Variants in KATNIP observed in about 807,000 individuals in gnomAD.
KATNIP encodes the protein katanin-interacting protein.
KATNIP carries 126 observed loss-of-function variants against 174.0 expected under a neutral mutation model. The observed-to-expected ratio is 0.72, with a 90% CI of 0.63 to 0.84. The LOEUF is 0.84. KATNIP is among the 40% of genes least tolerant of loss of function. The pLI is 0.00. For missense variants in KATNIP, 1,958 were observed against 2,109.7 expected, an observed-to-expected ratio of 0.93 and a Z score of 1.41; for synonymous variants, 810 against 835.7, an observed-to-expected ratio of 0.97 and a Z score of 0.53.
chr16:27,739,208 G>T (rs1879043517), intron 14 of KATNIP, among the ~76,000 whole-genome samples: 1 of 152,120 alleles, frequency 6.6e-6, no homozygotes, highest in African/African-American at 2.4e-5. Flanking sequence ...GGAGAGAGAG[G>T]CGAGGGACAG....
At chr16:27,601,871 T>A (rs2075538156) in intron 2 of KATNIP, among the ~76,000 whole-genome samples, 1 of 152,192 alleles carries the variant, frequency 6.6e-6, no homozygotes, top group Non-Finnish European at 1.5e-5. Flanking sequence ...CCCTGCCTGC[T>A]GGGCTGGTGG....
At position 27,664,986 on chromosome 16, in the gene KATNIP, A is replaced by G. The variant is rs1302400592; in HGVS notation, c.541-12743A>G. On this transcript the variant is annotated intron_variant, in intron 6 of 27. Coordinates refer to ENST00000261588, the MANE Select transcript of KATNIP (RefSeq NM_015202.5). ...TCCCCGGCTATATTAAGTAAGGGGCAGCAGAGAGGCTCACCCGTAGGCTGA... is the reference window on the plus strand; with the variant it reads ...TCCCCGGCTATATTAAGTAAGGGGCGGCAGAGAGGCTCACCCGTAGGCTGA... 3.9e-5 allele frequency among the ~76,000 whole-genome samples: 6 copies of G among 152,214 alleles called. No individual in the cohort carries two copies. In the East Asian group the frequency reaches 1.2e-3, roughly 29 times the overall value.
chr16:27,708,928 G>T lies in KATNIP; in HGVS notation c.1605+8G>T, dbSNP rs372243355. The T allele has an allele frequency of 1.2e-4, 198 of 1,604,688 alleles. No homozygotes were observed. The highest frequency in any genetic ancestry group is 1.6e-4 in the Non-Finnish European group (190 of 1,173,462). On this transcript the variant is annotated splice_region_variant and intron_variant, in intron 13 of 27. Transcript: ENST00000261588. ...GTCAACAGGAACTTAGCTGTGAGTG[G>T]AAGGGGCACTGGATTGCTTCTTGGC...
At chr16:27,682,156 G>A (rs2078368181) in intron 8 of KATNIP, among the ~76,000 whole-genome samples, 1 of 152,140 alleles carries the variant, frequency 6.6e-6, no homozygotes, top group South Asian at 2.1e-4. Flanking sequence ...ATGTGCAAAT[G>A]GTACACAATT....
chr16:27,594,629 T>G (rs1427033053), intron 2 of KATNIP, among the ~76,000 whole-genome samples: 2 of 151,982 alleles, frequency 1.3e-5, no homozygotes, highest in Admixed American at 6.6e-5. Flanking sequence ...TTTTATTTTG[T>G]TTTTGTAGAG....
intron 14 of KATNIP, among the ~76,000 whole-genome samples, chr16:27,733,597 A>ACG (rs986735319): frequency 3.4e-4 from 51 of 151,948 alleles, no homozygotes; most frequent in Non-Finnish European, 6.5e-4. Flanking sequence ...ACACACACAC[A>ACG]CACACATATG....
rs907421620 is a variant in KATNIP, at chr16:27,648,634, C to G, written c.439C>G (p.Pro147Ala). ...TGTGCAGATCAGAACAGAAGCTGGC[C>G]CACGGCTCCACATCGAACCTCCTGT... Reference protein sequence around the residue: ...KSVQIRTEAGPRLHIEPPVDY... With the variant: ...KSVQIRTEAGARLHIEPPVDY... The change falls in exon 6 of 28, where the codon CCA (proline) becomes GCA (alanine). Residue 147 changes from proline to alanine, a missense_variant. By Grantham distance (27) the Pro-to-Ala change is conservative (BLOSUM62 -1). Around this residue, in one of 3 missense-constraint regions of KATNIP, gnomAD observed 1,557 missense variants for 1,617.8 expected, o/e 0.96. Transcript: ENST00000261588. 1 of 1,614,164 alleles carries G rather than the reference C, an allele frequency of 6.2e-7. No homozygotes were observed. The highest frequency in any genetic ancestry group is 1.3e-5 in the African/African-American group (1 of 75,036).
At chr16:27,703,749 G>A (rs1367144450) in intron 11 of KATNIP, 147 bp from the exon 12 acceptor site, 1 of 641,448 alleles carries the variant, frequency 1.6e-6, no homozygotes, top group Non-Finnish European at 2.8e-6. Context: ...AAAACAGCAA[G>A]CCTGCCCTTG....
chr16:27,738,049 C>T (rs1229543400), intron 14 of KATNIP, among the ~76,000 whole-genome samples: 2 of 151,952 alleles, frequency 1.3e-5, no homozygotes, highest in Non-Finnish European at 1.5e-5. Context: ...GACGGGGTGA[C>T]GGACAGATCA....
At chr16:27,672,007 G>C (rs2077927815) in intron 6 of KATNIP, among the ~76,000 whole-genome samples, 1 of 152,204 alleles carries the variant, frequency 6.6e-6, no homozygotes, top group South Asian at 2.1e-4. Context: ...AGTGAGCCGA[G>C]ATCGTGTCAC....
chr16:27,559,732 G>A (rs1373980646), intron 1 of KATNIP, among the ~76,000 whole-genome samples: 1 of 151,320 alleles, frequency 6.6e-6, no homozygotes, highest in Non-Finnish European at 1.5e-5. Context: ...TATAATCTCA[G>A]CACTTTGGGA....
chr16:27,747,841 G>A (rs1410355894), intron 15 of KATNIP, among the ~76,000 whole-genome samples: 3 of 152,152 alleles, frequency 2.0e-5, no homozygotes, highest in Non-Finnish European at 4.4e-5. Context: ...ACAGGAGCGG[G>A]TCGCCTTCCT....
intron 4 of KATNIP, among the ~76,000 whole-genome samples, chr16:27,629,482 G>T (rs1486871675): frequency 6.6e-6 from 1 of 152,104 alleles, no homozygotes; most frequent in Non-Finnish European, 1.5e-5. Flanking sequence ...TGTAATATTT[G>T]ATTTTACCAC....
intron 3 of KATNIP, among the ~76,000 whole-genome samples, chr16:27,623,873 TTTGTGTTCAAAGGGCCC>T (rs2076260876): frequency 6.6e-6 from 1 of 152,140 alleles, no homozygotes; most frequent in Non-Finnish European, 1.5e-5. Flanking sequence ...TGACCTGCCC[TTTGTGTTCAAAGGGCCC>T]TTGTGTTCAA....
chr16:27,636,153 C>G (rs1434645430), intron 5 of KATNIP, among the ~76,000 whole-genome samples: 10 of 152,116 alleles, frequency 6.6e-5, no homozygotes, highest in Admixed American at 5.2e-4. Flanking sequence ...GACCCTATCT[C>G]AAAATCAAAA....
intron 12 of KATNIP, among the ~76,000 whole-genome samples, chr16:27,707,378 G>C (rs2079358779): frequency 6.6e-6 from 1 of 152,244 alleles, no homozygotes; most frequent in Non-Finnish European, 1.5e-5. Flanking sequence ...CAGGCTCTCA[G>C]AGCAGACAGC....
chr16:27,628,627 G>C (rs1366818166), intron 3 of KATNIP, 34 bp from the exon 4 acceptor site: 2 of 1,609,332 alleles, frequency 1.2e-6, no homozygotes, highest in Admixed American at 1.7e-5. Context: ...ACTCTCAAAT[G>C]ATGAGGAGGA....
At chr16:27,737,077 C>G (rs1276975989) in intron 14 of KATNIP, among the ~76,000 whole-genome samples, 6 of 152,134 alleles carry the variant, frequency 3.9e-5, no homozygotes, top group African/African-American at 1.4e-4. Context: ...AAAGTGATTT[C>G]AGAATTCTGT....
At chr16:27,693,075 G>A (rs1396095795) in intron 8 of KATNIP, among the ~76,000 whole-genome samples, 5 of 152,108 alleles carry the variant, frequency 3.3e-5, no homozygotes, top group Non-Finnish European at 7.3e-5. Context: ...CACTGAGTAA[G>A]GAAGATACTG....
Sources: allele counts gnomAD v4.1 joint callset (sites outside exome capture counted in the v4.1 genomes callset), GRCh38; gene constraint gnomAD v4.1.1; regional missense constraint gnomAD v4.1.1; transcripts MANE v1.5; gene names NCBI Gene and HGNC (gene_info 2026-07-23, HGNC 2026-07-21).